Variants in ZFAND3 observed in about 807,000 individuals in gnomAD.
The protein encoded by ZFAND3 is AN1-type zinc finger protein 3.
In ZFAND3, 10 loss-of-function variants were observed where a neutral mutation model predicts 29.6. That is an observed-to-expected ratio of 0.34 (90% CI 0.21 to 0.57). The LOEUF is 0.57. Among genes scored for constraint, ZFAND3 ranks in the 20% least tolerant of loss-of-function variants. The pLI is 0.86. For missense variants in ZFAND3, 230 were observed against 304.5 expected (o/e 0.76, Z 1.82); for synonymous variants, 128 against 112.6 (o/e 1.14, Z -0.87).
intron 2 of ZFAND3, among the ~76,000 whole-genome samples, chr6:37,950,249 C>G (rs757659069): frequency 7.9e-6 from 1 of 126,626 alleles, no homozygotes; most frequent in Non-Finnish European, 1.9e-5. Flanking sequence ...ACATTTAAGT[C>G]TTTAATCCAT....
At chr6:37,930,033 T>G (rs780669593) in intron 2 of ZFAND3, 34 bp downstream of exon 2, 2 of 1,551,778 alleles carry the variant, frequency 1.3e-6, no homozygotes, top group Middle Eastern at 1.8e-4. Flanking sequence ...TAATTTACTT[T>G]CATTTTTCTT....
chr6:38,118,823 A>G (rs989419693), intron 5 of ZFAND3, among the ~76,000 whole-genome samples: 7 of 152,040 alleles, frequency 4.6e-5, no homozygotes, highest in Admixed American at 3.9e-4. Context: ...AGTAAAGCCA[A>G]CTTGTCTAAT....
At chr6:38,137,141 C>T (rs563438037) in intron 5 of ZFAND3, among the ~76,000 whole-genome samples, 1 of 152,310 alleles carries the variant, frequency 6.6e-6, no homozygotes, top group African/African-American at 2.4e-5. Flanking sequence ...GGAGAGTATC[C>T]AGTGCTATCT....
chr6:37,916,912 A>G (rs371265958), intron 1 of ZFAND3, among the ~76,000 whole-genome samples: 4 of 152,226 alleles, frequency 2.6e-5, no homozygotes, highest in Non-Finnish European at 4.4e-5. Context: ...CTATGTATAC[A>G]CTACCTGCCT....
chr6:37,826,800 T>G (rs1303378919), intron 1 of ZFAND3, among the ~76,000 whole-genome samples: 1 of 152,016 alleles, frequency 6.6e-6, no homozygotes, highest in Non-Finnish European at 1.5e-5. Context: ...AACTGTATCC[T>G]AGAATGGCAC....
At chr6:37,908,259 G>A (rs1161464098) in intron 1 of ZFAND3, among the ~76,000 whole-genome samples, 1 of 152,108 alleles carries the variant, frequency 6.6e-6, no homozygotes. Flanking sequence ...TAATTTTAAG[G>A]TGAAGTTGTG....
intron 2 of ZFAND3, among the ~76,000 whole-genome samples, chr6:38,036,296 G>T (rs893900546): frequency 2.6e-5 from 4 of 152,178 alleles, no homozygotes; most frequent in Non-Finnish European, 5.9e-5. Context: ...TCTGAGCAGG[G>T]ACATCAGAAG....
chr6:38,100,809 G>C (rs1765077921), intron 4 of ZFAND3, among the ~76,000 whole-genome samples: 1 of 152,130 alleles, frequency 6.6e-6, no homozygotes, highest in African/African-American at 2.4e-5. Flanking sequence ...CCCCTACCCA[G>C]CTTTTCCTAA....
chr6:38,005,482 A>T (rs1763032596), intron 2 of ZFAND3, among the ~76,000 whole-genome samples: 2 of 152,288 alleles, frequency 1.3e-5, no homozygotes, highest in Non-Finnish European at 2.9e-5. Context: ...ATGGCATCTG[A>T]CTTTTCTAGA....
At chr6:38,015,483 C>G (rs1763237241) in intron 2 of ZFAND3, among the ~76,000 whole-genome samples, 1 of 152,092 alleles carries the variant, frequency 6.6e-6, no homozygotes, top group South Asian at 2.1e-4. Context: ...TCAAAGGAGT[C>G]AGGTACAAGA....
At chr6:38,018,614 T>A (rs1763291304) in intron 2 of ZFAND3, among the ~76,000 whole-genome samples, 1 of 152,218 alleles carries the variant, frequency 6.6e-6, no homozygotes, top group African/African-American at 2.4e-5. Context: ...TCATTTCGTA[T>A]CGGTACCAAT....
intron 5 of ZFAND3, among the ~76,000 whole-genome samples, chr6:38,145,930 C>G (rs981928804): frequency 6.6e-6 from 1 of 152,188 alleles, no homozygotes; most frequent in African/African-American, 2.4e-5. Flanking sequence ...TCCTGCTTTT[C>G]TCATTCACAT....
chr6:38,027,109 A>G (rs888888622), intron 2 of ZFAND3, among the ~76,000 whole-genome samples: 2 of 152,244 alleles, frequency 1.3e-5, no homozygotes, highest in Non-Finnish European at 2.9e-5. Flanking sequence ...AGTGATGGAT[A>G]GTGAACAGTT....
At chr6:37,883,553 T>C (rs1447839384) in intron 1 of ZFAND3, among the ~76,000 whole-genome samples, 2 of 125,226 alleles carry the variant, frequency 1.6e-5, no homozygotes, top group Admixed American at 1.5e-4. Flanking sequence ...TCTTTCTTTT[T>C]TTTTTTTGAG....
chr6:37,961,844 C>T (rs553580003), intron 2 of ZFAND3, among the ~76,000 whole-genome samples: 59 of 152,298 alleles, frequency 3.9e-4, no homozygotes, highest in African/African-American at 1.3e-3. Context: ...TAGATCACAA[C>T]ACCTAAGTCC....
intron 2 of ZFAND3, among the ~76,000 whole-genome samples, chr6:37,934,838 C>CAAAAA (rs61670894): frequency 1.4e-5 from 1 of 70,606 alleles, no homozygotes; most frequent in African/African-American, 5.6e-5. Flanking sequence ...GACTCTGTCT[C>CAAAAA]AAAAAAAAAA....
At chr6:37,963,598 A>T (rs1034638622) in intron 2 of ZFAND3, among the ~76,000 whole-genome samples, 2 of 152,204 alleles carry the variant, frequency 1.3e-5, no homozygotes, top group African/African-American at 4.8e-5. Flanking sequence ...CTAAGAAAAA[A>T]AAAAAGATCC....
intron 1 of ZFAND3, among the ~76,000 whole-genome samples, chr6:37,831,844 G>A (rs767936574): frequency 6.6e-6 from 1 of 152,138 alleles, no homozygotes; most frequent in Admixed American, 6.5e-5. Flanking sequence ...AGATGAGCAG[G>A]GGCCAGTTAT....
intron 4 of ZFAND3, among the ~76,000 whole-genome samples, chr6:38,103,619 T>G (rs1765152006): frequency 6.6e-6 from 1 of 152,116 alleles, no homozygotes. Flanking sequence ...GATTTTGCTC[T>G]TCTGATAAAT....
Sources: allele counts gnomAD v4.1 joint callset (sites outside exome capture counted in the v4.1 genomes callset), GRCh38; gene constraint gnomAD v4.1.1; transcripts MANE v1.5; gene names NCBI Gene and HGNC (gene_info 2026-07-23, HGNC 2026-07-21).